SLC4A4: variants seen among roughly 807,000 people sequenced by gnomAD.
The protein encoded by SLC4A4 is solute carrier family 4 member 4, also known as electrogenic sodium bicarbonate cotransporter 1.
A neutral mutation model predicts 111.5 loss-of-function variants in SLC4A4; 27 were observed. The observed-to-expected ratio is 0.24, with a 90% CI of 0.18 to 0.33. The LOEUF (loss-of-function observed/expected upper bound fraction) is 0.33, where lower values mean the gene tolerates loss of function less well. Among genes scored for constraint, SLC4A4 ranks in the 10% least tolerant of loss-of-function variants. The probability of loss-of-function intolerance (pLI) is 1.00; values close to 1 mark genes in which losing one functional copy is unlikely to be tolerated. For synonymous variants in SLC4A4, 443 were observed against 463.4 expected (o/e 0.96, Z 0.57); for missense variants, 909 against 1,315.5 (o/e 0.69, Z 4.78).
chr4:71,501,186 T>A (rs1448731885), intron 16 of SLC4A4, among the ~76,000 whole-genome samples: 2 of 152,206 alleles, frequency 1.3e-5, no homozygotes, highest in African/African-American at 4.8e-5. Context: ...TGGTTAAATT[T>A]ATTCTTAAAT....
intron 1 of SLC4A4, among the ~76,000 whole-genome samples, chr4:71,193,897 G>C (rs536128590): frequency 1.3e-5 from 2 of 152,232 alleles, no homozygotes; most frequent in Middle Eastern, 6.8e-3. Context: ...GTAAACTCAT[G>C]GGATAAAGAG....
At chr4:71,347,699 T>G (rs1729450614) in intron 4 of SLC4A4, among the ~76,000 whole-genome samples, 1 of 152,180 alleles carries the variant, frequency 6.6e-6, no homozygotes, top group Non-Finnish European at 1.5e-5. Flanking sequence ...AGGCTTAGTT[T>G]TTTTTTAAGT....
chr4:71,313,406 T>G (rs528974616), intron 3 of SLC4A4, among the ~76,000 whole-genome samples: 9 of 152,282 alleles, frequency 5.9e-5, no homozygotes, highest in African/African-American at 2.2e-4. Flanking sequence ...CTGACTTTCT[T>G]CACAGAATTA....
At position 71,248,037 on chromosome 4, in the gene SLC4A4, A is replaced by G. The variant is rs1283260549; in HGVS notation, c.74-7183A>G. On this transcript the variant is annotated intron_variant, in intron 2 of 25. Coordinates refer to ENST00000264485, the MANE Select transcript of SLC4A4 (RefSeq NM_001098484.3). ...CCTTGCTTCTGGACAGAGTTAGGGA[A>G]GATTGAGGTTATGGAAGGTGCTGCC... Among the ~76,000 whole-genome samples the G allele has an allele frequency of 2.0e-5, 3 of 152,140 alleles. No homozygotes were observed. In the East Asian group the frequency reaches 5.8e-4, roughly 29 times the overall value.
intron 7 of SLC4A4, chr4:71,434,322 A>C (rs1560504946): frequency 6.6e-6 from 1 of 152,572 alleles, no homozygotes; most frequent in Non-Finnish European, 1.5e-5. Flanking sequence ...TAAAACTAAC[A>C]TAATACAACA....
chr4:71,543,102 G>C (rs1735211743), intron 18 of SLC4A4, among the ~76,000 whole-genome samples: 2 of 152,278 alleles, frequency 1.3e-5, no homozygotes, highest in Middle Eastern at 3.4e-3. Flanking sequence ...GGTATGTTGA[G>C]AGGGAGTTCC....
At chr4:71,438,519 C>T (rs75879496) in intron 7 of SLC4A4, among the ~76,000 whole-genome samples, 1,658 of 152,238 alleles carry the variant, frequency 0.011, 12 homozygotes, top group Non-Finnish European at 0.018. Flanking sequence ...AGTGACAAAA[C>T]CAAGTCTTCT....
Position 71,534,776 on chromosome 4 carries a change from A to T in SLC4A4, c.2442+388A>T, listed in dbSNP as rs528791336. On this transcript the variant is annotated intron_variant, in intron 18 of 25. Transcript: ENST00000264485. ...CTTTCTCTTAAATCAACTCAGGTTT[A>T]TTCTTAAAGATTATTCAGATAGTTC... 4.6e-5 allele frequency among the ~76,000 whole-genome samples: 7 copies of T among 152,276 alleles called. No individual in the cohort carries two copies. The South Asian group carries it at 1.0e-3, about 23-fold the overall frequency.
intron 5 of SLC4A4, among the ~76,000 whole-genome samples, chr4:71,352,367 A>G (rs1482286190): frequency 6.6e-6 from 1 of 152,126 alleles, no homozygotes; most frequent in Admixed American, 6.5e-5. Flanking sequence ...CCTTATTAAA[A>G]AAAACACAAT....
chr4:71,122,814 T>C (rs1743469033), intron 2 of SLC4A4, among the ~76,000 whole-genome samples: 1 of 152,206 alleles, frequency 6.6e-6, no homozygotes, highest in Non-Finnish European at 1.5e-5. Context: ...ACTGTTCGTA[T>C]ACACAGGACT....
At chr4:71,233,162 C>T (rs923846745) in intron 1 of SLC4A4, 2 of 500,794 alleles carry the variant, frequency 4.0e-6, no homozygotes, top group East Asian at 1.5e-4. Context: ...GCATTAGGCA[C>T]CTTGTCTGTC....
At chr4:71,169,314 C>T (rs889276039) in intron 2 of SLC4A4, among the ~76,000 whole-genome samples, 2 of 151,970 alleles carry the variant, frequency 1.3e-5, no homozygotes, top group African/African-American at 4.8e-5. Context: ...TCATGCCAGC[C>T]TCTATTTTTA....
intron 2 of SLC4A4, among the ~76,000 whole-genome samples, chr4:71,167,886 A>G (rs1273897545): frequency 6.6e-6 from 1 of 152,056 alleles, no homozygotes; most frequent in African/African-American, 2.4e-5. Context: ...ATGTCTTTCA[A>G]ATTTATTCAC....
chr4:71,498,490 A>G (rs1452650727), intron 16 of SLC4A4, among the ~76,000 whole-genome samples: 1 of 152,156 alleles, frequency 6.6e-6, no homozygotes. Flanking sequence ...TACAGCTGAC[A>G]TCTCATGAAA....
At position 71,527,441 on chromosome 4, in the gene SLC4A4, C is replaced by T. The variant is rs180682122; in HGVS notation, c.2167-4621C>T. On this transcript the variant is annotated intron_variant, in intron 16 of 25. Transcript: ENST00000264485. ...TGAGCAATGGGGAAAATTAAGCTGG[C>T]ATTAATTAAGATAGAGAAAACTATT... 7.9e-5 allele frequency among the ~76,000 whole-genome samples: 12 copies of T among 152,112 alleles called. No homozygotes were observed. The East Asian group carries it at 1.7e-3, about 22-fold the overall frequency.
intron 7 of SLC4A4, among the ~76,000 whole-genome samples, chr4:71,399,544 C>T (rs2148982566): frequency 6.9e-6 from 1 of 145,788 alleles, no homozygotes; most frequent in South Asian, 2.3e-4. Context: ...TTCATCATCT[C>T]AGATCTGAAT....
intron 1 of SLC4A4, among the ~76,000 whole-genome samples, chr4:71,196,200 C>T (rs1578578637): frequency 6.6e-6 from 1 of 152,166 alleles, no homozygotes; most frequent in African/African-American, 2.4e-5. Flanking sequence ...TGAGCACTCA[C>T]GATGTTAGCA....
chr4:71,070,376 C>T (rs773597877), intron 1 of SLC4A4, among the ~76,000 whole-genome samples: 3 of 152,096 alleles, frequency 2.0e-5, no homozygotes, highest in South Asian at 4.1e-4. Context: ...CCTTGTCAGA[C>T]GAGTCTACAA....
intron 6 of SLC4A4, among the ~76,000 whole-genome samples, chr4:71,396,102 TGGC>T: frequency 6.6e-6 from 1 of 152,216 alleles, no homozygotes; most frequent in African/African-American, 2.4e-5. Context: ...ATCTAATACC[TGGC>T]TCAAAGAAGA....
Sources: allele counts gnomAD v4.1 joint callset (sites outside exome capture counted in the v4.1 genomes callset), GRCh38; gene constraint gnomAD v4.1.1; transcripts MANE v1.5; gene names NCBI Gene and HGNC (gene_info 2026-07-23, HGNC 2026-07-21).